The following GRID2 variants were observed in gnomAD, a reference collection of about 807,000 sequenced individuals.
GRID2 encodes glutamate receptor ionotropic, delta-2.
Under a neutral mutation model 114.8 loss-of-function variants are expected in GRID2, and 33 were observed. The ratio of observed to expected loss-of-function variants is 0.29; its 90% CI spans 0.22 to 0.38. The LOEUF (loss-of-function observed/expected upper bound fraction) is 0.38. GRID2 is among the 10% of genes least tolerant of loss of function. GRID2 has a pLI of 1.00. For missense variants in GRID2, 1,184 were observed against 1,257.7 expected (o/e 0.94, Z 0.89); for synonymous variants, 505 against 449.9 (o/e 1.12, Z -1.55).
At chr4:93,346,083 C>T (rs76454469) in intron 8 of GRID2, among the ~76,000 whole-genome samples, 2,039 of 152,056 alleles carry the variant, frequency 0.013, 29 homozygotes, top group Non-Finnish European at 0.021. Context: ...ACTGTGATTC[C>T]CCCAGCTATT....
chr4:93,678,002 CCA>C (rs1725084809), intron 14 of GRID2, among the ~76,000 whole-genome samples: 1 of 151,660 alleles, frequency 6.6e-6, no homozygotes, highest in African/African-American at 2.4e-5. Context: ...GAAATTCAAA[CCA>C]AAGGCAAAGA....
intron 2 of GRID2, among the ~76,000 whole-genome samples, chr4:92,983,515 A>G (rs1174549900): frequency 2.0e-5 from 3 of 152,134 alleles, no homozygotes; most frequent in East Asian, 3.9e-4. Context: ...ATCATTTGAC[A>G]TATCTCATTT....
intron 2 of GRID2, among the ~76,000 whole-genome samples, chr4:93,003,063 A>G (rs1216720827): frequency 6.6e-6 from 1 of 151,824 alleles, no homozygotes; most frequent in Non-Finnish European, 1.5e-5. Flanking sequence ...ATCAAAGACA[A>G]TCTCCACATC....
At chr4:92,978,157 G>A (rs1753984060) in intron 2 of GRID2, among the ~76,000 whole-genome samples, 1 of 152,030 alleles carries the variant, frequency 6.6e-6, no homozygotes, top group Admixed American at 6.6e-5. Context: ...AAATAAGAAA[G>A]GATAGCCAAA....
At chr4:93,503,656 C>G (rs950970965) in intron 12 of GRID2, among the ~76,000 whole-genome samples, 1 of 151,966 alleles carries the variant, frequency 6.6e-6, no homozygotes, top group Admixed American at 6.6e-5. Flanking sequence ...GACATGAACT[C>G]AAACCACTTT....
At chr4:92,567,482 C>G (rs1245156559) in intron 1 of GRID2, among the ~76,000 whole-genome samples, 3 of 151,976 alleles carry the variant, frequency 2.0e-5, no homozygotes, top group Non-Finnish European at 4.4e-5. Flanking sequence ...TTCGTCATAT[C>G]TTAATTCAAG....
At chr4:93,206,091 A>G (rs944443670) in intron 4 of GRID2, among the ~76,000 whole-genome samples, 1 of 151,926 alleles carries the variant, frequency 6.6e-6, no homozygotes, top group Non-Finnish European at 1.5e-5. Flanking sequence ...TAAAATTAAA[A>G]ATGATAATAA....
intron 2 of GRID2, among the ~76,000 whole-genome samples, chr4:92,853,851 G>A (rs1045254522): frequency 7.2e-5 from 11 of 152,002 alleles, no homozygotes; most frequent in African/African-American, 1.2e-4. Context: ...AGGTTGGAGG[G>A]AGGGTTGAGG....
intron 14 of GRID2, among the ~76,000 whole-genome samples, chr4:93,723,356 G>GA (rs1560944387): frequency 6.6e-6 from 1 of 152,162 alleles, no homozygotes; most frequent in African/African-American, 2.4e-5. Flanking sequence ...GTGAAACCAA[G>GA]AATTATATTG....
chr4:93,219,928 G>T (rs886926778), intron 6 of GRID2, among the ~76,000 whole-genome samples: 1 of 152,130 alleles, frequency 6.6e-6, no homozygotes, highest in Non-Finnish European at 1.5e-5. Context: ...GATAGCAAGA[G>T]TAGGGGCACT....
chr4:93,182,346 T>A (rs1490383184), intron 4 of GRID2, among the ~76,000 whole-genome samples: 1 of 152,162 alleles, frequency 6.6e-6, no homozygotes, highest in Non-Finnish European at 1.5e-5. Context: ...CTTAAAAAAA[T>A]GAATTTAGAA....
intron 12 of GRID2, among the ~76,000 whole-genome samples, chr4:93,512,101 T>C (rs1009018098): frequency 2.0e-5 from 3 of 152,130 alleles, no homozygotes; most frequent in African/African-American, 7.2e-5. Context: ...TTCCCATTCC[T>C]CCTATCATCT....
At chr4:93,330,149 A>T (rs1402107271) in intron 8 of GRID2, among the ~76,000 whole-genome samples, 1 of 152,184 alleles carries the variant, frequency 6.6e-6, no homozygotes, top group Non-Finnish European at 1.5e-5. Flanking sequence ...GAACAAACAA[A>T]AGTGCTTTCT....
At chr4:92,330,645 A>T (rs2110142853) in intron 1 of GRID2, among the ~76,000 whole-genome samples, 1 of 152,246 alleles carries the variant, frequency 6.6e-6, no homozygotes, top group South Asian at 2.1e-4. Flanking sequence ...TCTATAAACA[A>T]AGTAGCTAAT....
chr4:92,859,086 T>C (rs1208044299), intron 2 of GRID2, among the ~76,000 whole-genome samples: 1 of 152,104 alleles, frequency 6.6e-6, no homozygotes, highest in Non-Finnish European at 1.5e-5. Context: ...CAGAGAAATC[T>C]TTTGTGAAAG....
intron 8 of GRID2, among the ~76,000 whole-genome samples, chr4:93,387,357 GA>G (rs1446350422): frequency 6.6e-6 from 1 of 151,982 alleles, no homozygotes; most frequent in East Asian, 1.9e-4. Context: ...TCCTCATACT[GA>G]AGGCTTTTGA....
At chr4:93,008,185 T>C (rs2149227012) in intron 2 of GRID2, among the ~76,000 whole-genome samples, 1 of 152,146 alleles carries the variant, frequency 6.6e-6, no homozygotes, top group African/African-American at 2.4e-5. Flanking sequence ...GAGCTGATGG[T>C]ACTCTCTGCA....
At position 93,537,678 on chromosome 4, in the gene GRID2, G is replaced by A. The variant is rs543853955; in HGVS notation, c.2193+22267G>A. ...GAAATTGCAGAAAGATATTTGGAGA[G>A]TTGATGCTTTCTGTCAACATTACAA... is the stretch of plus-strand genomic sequence containing the variant. On this transcript the variant is annotated intron_variant, in intron 13 of 15. Transcript: ENST00000282020. Among the ~76,000 whole-genome samples the A allele has an allele frequency of 7.7e-4, 117 of 151,908 alleles. 1 individual carries two copies. The highest frequency in any genetic ancestry group is 1.3e-4 in the Non-Finnish European group (9 of 67,746).
At chr4:92,562,661 T>C (rs1029390865) in intron 1 of GRID2, among the ~76,000 whole-genome samples, 2 of 152,086 alleles carry the variant, frequency 1.3e-5, no homozygotes, top group Admixed American at 1.3e-4. Flanking sequence ...TGAAGGAACA[T>C]AGATGGGCAA....
Sources: gnomAD v4.1 joint callset for allele counts (sites outside exome capture counted in the v4.1 genomes callset) on GRCh38, gnomAD v4.1.1 for gene constraint, MANE v1.5 for transcripts, NCBI Gene and HGNC (gene_info 2026-07-23, HGNC 2026-07-21) for gene names.